The following UCK2 variants were observed in gnomAD, a reference collection of about 807,000 sequenced individuals.
UCK2 encodes cytidine monophosphokinase 2.
Under a neutral mutation model 30.8 loss-of-function variants are expected in UCK2, and 6 were observed. The ratio of observed to expected loss-of-function variants is 0.19; its 90% CI spans 0.11 to 0.38. The LOEUF is 0.38. Ranked by LOEUF, UCK2 falls within the 10% of genes least tolerant of loss-of-function variation. The pLI is 1.00. For missense variants in UCK2, 210 were observed against 339.8 expected, an observed-to-expected ratio of 0.62 and a Z score of 3.00; for synonymous variants, 125 against 133.6, an observed-to-expected ratio of 0.94 and a Z score of 0.45.
chr1:165,906,884 G>A (rs762365172), intron 6 of UCK2, among the ~76,000 whole-genome samples: 17 of 152,124 alleles, frequency 1.1e-4, no homozygotes, highest in Non-Finnish European at 2.4e-4. Context: ...AAGAACAAAG[G>A]CATTCTTATT....
At chr1:165,833,965 G>A (rs1654120034) in intron 1 of UCK2, among the ~76,000 whole-genome samples, 1 of 151,718 alleles carries the variant, frequency 6.6e-6, no homozygotes, top group Non-Finnish European at 1.5e-5. Context: ...TACAAAATAG[G>A]AATAAAAAAT....
At chr1:165,848,928 T>C in intron 1 of UCK2, among the ~76,000 whole-genome samples, 1 of 152,020 alleles carries the variant, frequency 6.6e-6, no homozygotes, top group East Asian at 1.9e-4. Flanking sequence ...ATGAGCCAGA[T>C]GTGGGAAAAG....
chr1:165,890,340 G>A lies in UCK2; in HGVS notation c.236G>A (p.Gly79Asp). 1 of 1,614,048 alleles carries A rather than the reference G, an allele frequency of 6.2e-7. No individual in the cohort carries two copies. Among genetic ancestry groups the A allele is most frequent in the Non-Finnish European group, 8.5e-7 (1 of 1,180,004 alleles). The change falls in exon 2 of 7, where the codon GGC (glycine) becomes GAC (aspartate). Residue 79 changes from glycine to aspartate, a missense_variant. Around this residue, in one of 4 missense-constraint regions of UCK2, gnomAD observed 75 missense variants for 124.7 expected, o/e 0.60. Transcript: ENST00000367879. ...GAGCAGAAGGCCAAAGCCCTGAAGG[G>A]CCAGTTCAACTTTGACCACCCGGGT... ...TSEQKAKALK[G>D]QFNFDHPDAF...
chr1:165,865,788 A>G (rs1323701059), intron 1 of UCK2, among the ~76,000 whole-genome samples: 4 of 152,174 alleles, frequency 2.6e-5, no homozygotes, highest in Admixed American at 1.3e-4. Flanking sequence ...TAAGCTAACT[A>G]GGATAACCAC....
intron 1 of UCK2, among the ~76,000 whole-genome samples, chr1:165,839,862 C>T (rs945090674): frequency 1.3e-5 from 2 of 152,226 alleles, no homozygotes; most frequent in Admixed American, 6.5e-5. Context: ...GGTCACTTGC[C>T]GGTACCGTGA....
At chr1:165,861,627 CAA>C (rs1223282712) in intron 1 of UCK2, among the ~76,000 whole-genome samples, 1 of 15,940 alleles carries the variant, frequency 6.3e-5, no homozygotes, top group Non-Finnish European at 1.2e-4. Context: ...GACTCCGTCT[CAA>C]AAAAAAAAAA....
rs1257149506 is a variant in UCK2 at position 165,834,277 on chromosome 1, G to A, written c.99+6345G>A. ...CATTTTGTAGTACTTACTAAATCATGATATTCCCATCCTCCAGTTATGCTA... is the reference window on the plus strand; with the variant it reads ...CATTTTGTAGTACTTACTAAATCATAATATTCCCATCCTCCAGTTATGCTA... On this transcript the variant is annotated intron_variant, in intron 1 of 6. Coordinates refer to ENST00000367879, the MANE Select transcript of UCK2 (RefSeq NM_012474.5). Among the ~76,000 whole-genome samples the A allele has an allele frequency of 3.3e-5, 5 of 152,164 alleles. No individual in the cohort carries two copies. The East Asian group carries it at 7.7e-4, about 23-fold the overall frequency.
At chr1:165,856,892 G>T (rs1010425119) in intron 1 of UCK2, among the ~76,000 whole-genome samples, 1 of 139,126 alleles carries the variant, frequency 7.2e-6, no homozygotes, top group Non-Finnish European at 1.5e-5. Flanking sequence ...CCTCATAGGC[G>T]GCCCCAGGGT....
At chr1:165,875,774 G>A (rs1053748597) in intron 1 of UCK2, among the ~76,000 whole-genome samples, 1 of 152,170 alleles carries the variant, frequency 6.6e-6, no homozygotes, top group Admixed American at 6.5e-5. Context: ...GGGGAAAGAG[G>A]TGCGGAGTTT....
intron 1 of UCK2, among the ~76,000 whole-genome samples, chr1:165,867,628 A>C (rs901464472): frequency 6.6e-6 from 1 of 152,244 alleles, no homozygotes; most frequent in Non-Finnish European, 1.5e-5. Flanking sequence ...AAACTTGTTC[A>C]TCATAAGAAA....
At position 165,903,542 on chromosome 1, in the gene UCK2, A is replaced by G. The variant is rs78403845; in HGVS notation, c.597+263A>G. ...TAGGCAGGTCATTTAATTCCCAGCT[A>G]GTTCTAGGTTTCTTGCTTGGTGGGG... On this transcript the variant is annotated intron_variant, in intron 5 of 6. Coordinates refer to ENST00000367879, the MANE Select transcript of UCK2 (RefSeq NM_012474.5). 2.7e-4 allele frequency among the ~76,000 whole-genome samples: 41 copies of G among 152,032 alleles called. 1 individual carries two copies. In the East Asian group the frequency reaches 7.0e-3, roughly 26 times the overall value.
chr1:165,880,194 T>C (rs1655448624), intron 1 of UCK2, among the ~76,000 whole-genome samples: 1 of 152,216 alleles, frequency 6.6e-6, no homozygotes, highest in Non-Finnish European at 1.5e-5. Flanking sequence ...TTCAGTTTTT[T>C]AAGAACGGAG....
intron 1 of UCK2, among the ~76,000 whole-genome samples, chr1:165,886,501 C>T (rs191063511): frequency 6.6e-6 from 1 of 152,172 alleles, no homozygotes; most frequent in Admixed American, 6.5e-5. Context: ...CACAGTGTTG[C>T]CCACCCTGGG....
At chr1:165,869,229 G>C (rs1466923019) in intron 1 of UCK2, among the ~76,000 whole-genome samples, 1 of 152,132 alleles carries the variant, frequency 6.6e-6, no homozygotes, top group Admixed American at 6.5e-5. Context: ...TAATGAAAAT[G>C]TTTGAGATAT....
At chr1:165,854,140 GAGCGCATAGGA>G (rs1413115152) in intron 1 of UCK2, among the ~76,000 whole-genome samples, 3 of 152,202 alleles carry the variant, frequency 2.0e-5, no homozygotes, top group East Asian at 3.8e-4. Flanking sequence ...GAGACTTTCT[GAGCGCATAGGA>G]AGCATTGGAG....
At chr1:165,881,426 A>G (rs1198449974) in intron 1 of UCK2, among the ~76,000 whole-genome samples, 1 of 152,080 alleles carries the variant, frequency 6.6e-6, no homozygotes, top group Admixed American at 6.6e-5. Context: ...GCATGAGGGT[A>G]GAAATGTTGA....
chr1:165,910,652 GCAAGTA>G lies in UCK2; in HGVS notation c.*2830_*2835del, dbSNP rs1647825810. The G allele has an allele frequency of 6.6e-6, 1 of 152,340 alleles. No individual in the cohort carries two copies. Among genetic ancestry groups the G allele is most frequent in the Non-Finnish European group, 1.5e-5 (1 of 68,132 alleles). 9.4% of individuals were successfully genotyped at this position (152,340 alleles called of 1,614,324 possible). ...AGATGGGAGTCTGTGTAAGAAGGAT[GCAAGTA>G]TCCTTTGATTTGGAGTGGACAGAGC... On this transcript the variant is annotated 3_prime_UTR_variant, in exon 7 of 7. Coordinates refer to ENST00000367879, the MANE Select transcript of UCK2 (RefSeq NM_012474.5).
chr1:165,834,070 C>T (rs866442134), intron 1 of UCK2, among the ~76,000 whole-genome samples: 7 of 152,076 alleles, frequency 4.6e-5, no homozygotes, highest in South Asian at 2.1e-4. Context: ...GATTGAAAGA[C>T]GTTTTATTTT....
chr1:165,843,713 G>A (rs1654382299), intron 1 of UCK2, among the ~76,000 whole-genome samples: 2 of 152,164 alleles, frequency 1.3e-5, no homozygotes, highest in African/African-American at 4.8e-5. Flanking sequence ...AGGAGTTTGA[G>A]GGTGACAGAT....
Sources: gnomAD v4.1 joint callset for allele counts (sites outside exome capture counted in the v4.1 genomes callset) on GRCh38, gnomAD v4.1.1 for gene constraint, gnomAD v4.1.1 regional missense constraint, MANE v1.5 for transcripts, NCBI Gene and HGNC (gene_info 2026-07-23, HGNC 2026-07-21) for gene names.